Variants in RHAG observed in about 807,000 individuals in gnomAD.
RHAG encodes the protein ammonium transporter Rh type A.
In RHAG, 25 loss-of-function variants were observed where a neutral mutation model predicts 42.4. That is an observed-to-expected ratio of 0.59 (90% CI 0.43 to 0.82). RHAG has a LOEUF of 0.82. Among genes scored for constraint, RHAG ranks in the 40% least tolerant of loss-of-function variants. RHAG has a pLI of 0.00. For missense variants in RHAG, 483 were observed against 504.6 expected, an observed-to-expected ratio of 0.96 and a Z score of 0.41; for synonymous variants, 182 against 177.7, an observed-to-expected ratio of 1.02 and a Z score of -0.19.
intron 6 of RHAG, 118 bp downstream of exon 6, chr6:49,612,279 T>C (rs964176045): frequency 3.5e-6 from 4 of 1,134,112 alleles, no homozygotes; most frequent in Middle Eastern, 4.3e-4. Flanking sequence ...AGAAGGCAAA[T>C]GGTCTCCAAA....
intron 8 of RHAG, 61 bp from the exon 9 acceptor site, chr6:49,606,982 T>C (rs1762480125): frequency 3.2e-6 from 4 of 1,245,124 alleles, no homozygotes; most frequent in East Asian, 2.4e-5. Flanking sequence ...TCTACTTGCA[T>C]AGTAGCTTAT....
intron 7 of RHAG, among the ~76,000 whole-genome samples, chr6:49,609,482 T>C (rs1762531949): frequency 6.6e-6 from 1 of 152,242 alleles, no homozygotes; most frequent in Admixed American, 6.5e-5. Flanking sequence ...ACTCCAACAC[T>C]GAGGAGTTGA....
chr6:49,631,384 A>G (rs114495190), intron 1 of RHAG, among the ~76,000 whole-genome samples: 200 of 152,216 alleles, frequency 1.3e-3, no homozygotes, highest in African/African-American at 4.6e-3. Context: ...CTTTATATTA[A>G]TTAGTATTCT....
intron 1 of RHAG, among the ~76,000 whole-genome samples, chr6:49,626,470 G>C (rs1386408182): frequency 6.6e-6 from 1 of 152,178 alleles, no homozygotes. Flanking sequence ...GATGCAAGAG[G>C]TGGGCTCCCA....
intron 4 of RHAG, 62 bp from the exon 5 acceptor site, chr6:49,614,915 G>T (rs906523512): frequency 6.9e-7 from 1 of 1,442,020 alleles, no homozygotes; most frequent in Non-Finnish European, 9.8e-7. Flanking sequence ...AGAGGATGCA[G>T]TTTGCTTTAT....
chr6:49,624,684 T>A (rs1009792928), intron 1 of RHAG, among the ~76,000 whole-genome samples: 1 of 152,226 alleles, frequency 6.6e-6, no homozygotes, highest in Non-Finnish European at 1.5e-5. Flanking sequence ...ATGTGTTTTA[T>A]TTACCTCCTC....
intron 1 of RHAG, among the ~76,000 whole-genome samples, chr6:49,625,748 T>C (rs1246917500): frequency 6.6e-6 from 1 of 152,234 alleles, no homozygotes; most frequent in Non-Finnish European, 1.5e-5. Flanking sequence ...TGTGTTACTC[T>C]GTTCTCCCAG....
chr6:49,611,236 C>T, intron 6 of RHAG, 91 bp from the exon 7 acceptor site: 5 of 1,013,666 alleles, frequency 4.9e-6, no homozygotes, highest in Non-Finnish European at 7.5e-6. Flanking sequence ...TCTATTCTTC[C>T]ATGGAGAAAA....
chr6:49,634,868 A>G (rs774962485), intron 1 of RHAG, among the ~76,000 whole-genome samples: 18 of 151,630 alleles, frequency 1.2e-4, no homozygotes, highest in Non-Finnish European at 2.1e-4. Context: ...TGACATTTTG[A>G]TATGCATATA....
chr6:49,619,244 C>T lies in RHAG; in HGVS notation c.276G>A (p.Gln92=), dbSNP rs759638357. Residue 92 remains glutamine, a synonymous_variant, in exon 2 of 10, where the codon CAG becomes CAA. Coordinates refer to ENST00000371175, the MANE Select transcript of RHAG (RefSeq NM_000324.3). ...GGATTCCCTGTACAATAGTGCCCCACTGGAGGCCCAAAGCAGCAACGAGTA... is the reference window on the plus strand; with the variant it reads ...GGATTCCCTGTACAATAGTGCCCCATTGGAGGCCCAAAGCAGCAACGAGTA... ...INLLVAALGL[Q]WGTIVQGILQ... 1.9e-6 allele frequency: 3 copies of T among 1,614,142 alleles called. No homozygotes were observed. Among genetic ancestry groups the T allele is most frequent in the East Asian group, 4.5e-5 (2 of 44,870 alleles).
intron 1 of RHAG, among the ~76,000 whole-genome samples, 176 bp downstream of exon 1, chr6:49,636,480 C>T (rs1763011411): frequency 6.6e-6 from 1 of 152,088 alleles, no homozygotes; most frequent in African/African-American, 2.4e-5. Context: ...CAACCAAGCA[C>T]CTTAATCACA....
intron 3 of RHAG, among the ~76,000 whole-genome samples, chr6:49,616,989 A>G (rs565777586): frequency 6.6e-6 from 1 of 152,294 alleles, no homozygotes; most frequent in East Asian, 1.9e-4. Flanking sequence ...TGCAGGCAAA[A>G]TAACCTTCTC....
rs201195755 is a variant in RHAG, at chr6:49,636,653, C to T, written c.157+3G>A. 4 of 1,613,840 alleles carry T rather than the reference C, an allele frequency of 2.5e-6. No individual in the cohort carries two copies. Among genetic ancestry groups the T allele is most frequent in the Admixed American group, 1.7e-5 (1 of 60,014 alleles). On this transcript the variant is annotated splice_donor_region_variant and intron_variant, in intron 1 of 9. Transcript: ENST00000371175. ...TATAGTAAGTAGTAAATTGCCTACT[C>T]ACGAGGATATAACTCAAAGAATATG...
chr6:49,619,264 C>G lies in RHAG; in HGVS notation c.256G>C (p.Val86Leu). The change falls in exon 2 of 10, where the codon GTT becomes CTT. Residue 86 changes from valine (V) to leucine (L), a missense_variant. Val to Leu is a conservative substitution (Grantham distance 32, BLOSUM62 1). Transcript: ENST00000371175. ...GFSSVGINLL[V>L]AALGLQWGTI... ...CCCCACTGGAGGCCCAAAGCAGCAACGAGTAGGTTGATACCCACACTGCTG... is the reference window on the plus strand; with the variant it reads ...CCCCACTGGAGGCCCAAAGCAGCAAGGAGTAGGTTGATACCCACACTGCTG... 6.2e-7 allele frequency: 1 copy of G among 1,614,082 alleles called. No individual in the cohort carries two copies. Among genetic ancestry groups the G allele is most frequent in the Non-Finnish European group, 8.5e-7 (1 of 1,180,002 alleles).
chr6:49,615,550 C>T, intron 4 of RHAG, 74 bp downstream of exon 4: 1 of 1,532,162 alleles, frequency 6.5e-7, no homozygotes, highest in Non-Finnish European at 9.0e-7. Context: ...GAGCATCTCA[C>T]ACCCTTGTTG....
chr6:49,608,742 A>T (rs1762517124), intron 7 of RHAG, among the ~76,000 whole-genome samples: 1 of 152,132 alleles, frequency 6.6e-6, no homozygotes, highest in Non-Finnish European at 1.5e-5. Context: ...TTTTTACTTT[A>T]GCCATTATTC....
chr6:49,629,974 G>A (rs996677142), intron 1 of RHAG, among the ~76,000 whole-genome samples: 19 of 152,264 alleles, frequency 1.2e-4, no homozygotes, highest in African/African-American at 4.1e-4. Context: ...TCAGGCCTTC[G>A]CCAGCCCAGA....
intron 1 of RHAG, among the ~76,000 whole-genome samples, chr6:49,634,530 C>A (rs903257381): frequency 5.3e-5 from 8 of 152,016 alleles, no homozygotes; most frequent in African/African-American, 1.4e-4. Context: ...TTTATTGCAG[C>A]ACGATTCACA....
intron 3 of RHAG, among the ~76,000 whole-genome samples, chr6:49,616,885 G>C (rs1167320402): frequency 6.6e-6 from 1 of 152,130 alleles, no homozygotes; most frequent in Non-Finnish European, 1.5e-5. Flanking sequence ...TGCTTCACCA[G>C]GTGGCTTCAG....
Sources: gnomAD v4.1 joint callset for allele counts (sites outside exome capture counted in the v4.1 genomes callset) on GRCh38, gnomAD v4.1.1 for gene constraint, MANE v1.5 for transcripts, NCBI Gene and HGNC (gene_info 2026-07-23, HGNC 2026-07-21) for gene names.